The following LAPTM5 variants were observed in gnomAD, a reference collection of about 807,000 sequenced individuals.
LAPTM5 encodes the protein lysosomal protein transmembrane 5.
LAPTM5 carries 11 observed loss-of-function variants against 30.1 expected under a neutral mutation model. The ratio of observed to expected loss-of-function variants is 0.37; its 90% CI spans 0.23 to 0.60. The LOEUF (loss-of-function observed/expected upper bound fraction) is 0.60. Ranked by LOEUF, LAPTM5 falls within the 20% of genes least tolerant of loss-of-function variation. The pLI is 0.71. For synonymous variants in LAPTM5, 151 were observed against 137.9 expected, an observed-to-expected ratio of 1.10 and a Z score of -0.67; for missense variants, 324 against 332.5, an observed-to-expected ratio of 0.97 and a Z score of 0.20.
In LAPTM5 at chr1:30,746,919, A is replaced by G. The variant is rs1640055072; in HGVS notation, c.88-4370T>C. Among the ~76,000 whole-genome samples, 1 of 152,056 alleles carries G rather than the reference A, an allele frequency of 6.6e-6. No homozygotes were observed. Among genetic ancestry groups the G allele is most frequent in the South Asian group, 2.1e-4 (1 of 4,824 alleles). ...GCACAATTGGGTGGTGGTTTTTGCT[A>G]CCTCTGGGCATTCACTGACTCTCAG... On this transcript the variant is annotated intron_variant, in intron 1 of 7. Coordinates refer to ENST00000294507, the MANE Select transcript of LAPTM5 (RefSeq NM_006762.3). The surrounding 1 kb of genome is among the most constrained non-coding windows in gnomAD (Gnocchi z 4.0).
intron 3 of LAPTM5, among the ~76,000 whole-genome samples, chr1:30,741,070 G>A (rs1008041071): frequency 2.6e-5 from 4 of 152,096 alleles, no homozygotes; most frequent in East Asian, 1.9e-4. Context: ...GATTTGCCTC[G>A]GGCCCAGGAG....
At chr1:30,749,015 G>A (rs2124194147) in intron 1 of LAPTM5, among the ~76,000 whole-genome samples, 1 of 152,364 alleles carries the variant, frequency 6.6e-6, no homozygotes, top group East Asian at 1.9e-4. Flanking sequence ...AGCAGCACAG[G>A]TGCCTGTGTG....
intron 1 of LAPTM5, among the ~76,000 whole-genome samples, chr1:30,749,644 A>C (rs1920420): frequency 0.28 from 43,280 of 152,024 alleles, 6,397 homozygotes; most frequent in East Asian, 0.4. Context: ...GCTCTGGGTC[A>C]ACACCCAGAG....
Position 30,757,735 on chromosome 1 carries a change from C to CG in LAPTM5, c.10dup (p.Arg4ProfsTer59). The CG allele has an allele frequency of 6.2e-7, 1 of 1,613,606 alleles. No homozygotes were observed. Among genetic ancestry groups the CG allele is most frequent in the Non-Finnish European group, 8.5e-7 (1 of 1,179,932 alleles). ...GCAGGTCTGGCGGACAGTGGACAAGCGGGGGTCCATGGTGCTGCCGTCCCC... is the reference window on the plus strand; with the variant it reads ...GCAGGTCTGGCGGACAGTGGACAAGCGGGGGGTCCATGGTGCTGCCGTCCCC... On this transcript the variant is annotated frameshift_variant, in exon 1 of 8. Transcript: ENST00000294507. LOFTEE classifies it high-confidence loss of function.
chr1:30,753,806 C>A (rs1041403380), intron 1 of LAPTM5, among the ~76,000 whole-genome samples: 2 of 152,162 alleles, frequency 1.3e-5, no homozygotes, highest in Non-Finnish European at 1.5e-5. Flanking sequence ...TTGCAACAAA[C>A]GCACCACACT....
chr1:30,735,605 G>A (rs1182016022), intron 6 of LAPTM5, among the ~76,000 whole-genome samples: 4 of 152,192 alleles, frequency 2.6e-5, no homozygotes, highest in Non-Finnish European at 1.5e-5. Context: ...TGCCCATCTC[G>A]AAACAGAGCT....
At chr1:30,751,270 G>A (rs768962621) in intron 1 of LAPTM5, among the ~76,000 whole-genome samples, 13 of 152,324 alleles carry the variant, frequency 8.5e-5, no homozygotes, top group South Asian at 2.1e-4. Flanking sequence ...TGCCCCCACC[G>A]GCCTCCTCAC....
intron 1 of LAPTM5, among the ~76,000 whole-genome samples, chr1:30,748,497 G>A (rs1640081189): frequency 6.6e-6 from 1 of 152,122 alleles, no homozygotes; most frequent in South Asian, 2.1e-4. Context: ...ATTTCCCTGG[G>A]TTGCCTGGGA....
At chr1:30,735,388 G>T in intron 6 of LAPTM5, 123 bp from the exon 7 acceptor site, 2 of 756,456 alleles carry the variant, frequency 2.6e-6, no homozygotes, top group South Asian at 1.5e-5. Context: ...AGCTGCTCCT[G>T]CTCGGACCTC....
At position 30,733,674 on chromosome 1, in the gene LAPTM5, C is replaced by A. The variant is rs1314003545; in HGVS notation, c.*154G>T. On this transcript the variant is annotated 3_prime_UTR_variant, in exon 8 of 8. Coordinates refer to ENST00000294507, the MANE Select transcript of LAPTM5 (RefSeq NM_006762.3). ...AGTTGTGAGCAGCTCACAGGCCCTG[C>A]AGGAGGAGCAGGCCAGCGAGGGAGA... 1 of 1,533,784 alleles carries A rather than the reference C, an allele frequency of 6.5e-7. No homozygotes were observed. The highest frequency in any genetic ancestry group is 8.7e-7 in the Non-Finnish European group (1 of 1,146,104).
intron 1 of LAPTM5, among the ~76,000 whole-genome samples, chr1:30,750,840 C>T (rs1340353094): frequency 6.6e-6 from 1 of 152,268 alleles, no homozygotes; most frequent in African/African-American, 2.4e-5. Flanking sequence ...CTGAATCCCA[C>T]TTGACCAGGG....
At position 30,733,858 on chromosome 1, in the gene LAPTM5, G is replaced by A; in HGVS notation, c.759C>T (p.Gly253=). The change falls in exon 8 of 8, where the codon GGC becomes GGT. Residue 253 remains glycine, a synonymous_variant. Coordinates refer to ENST00000294507, the MANE Select transcript of LAPTM5 (RefSeq NM_006762.3). ...CCTCTGAGTATGGGGGTGGTGCTGG[G>A]CCCCCCTCTGGGGTCTTCGATGGCA... ...LSLPSKTPEG[G]PAPPPYSEV 2 of 1,609,942 alleles carry A rather than the reference G, an allele frequency of 1.2e-6. No individual in the cohort carries two copies. The highest frequency in any genetic ancestry group is 8.5e-7 in the Non-Finnish European group (1 of 1,179,042).
chr1:30,745,416 C>T (rs1358096877), intron 1 of LAPTM5, among the ~76,000 whole-genome samples: 1 of 152,176 alleles, frequency 6.6e-6, no homozygotes, highest in Non-Finnish European at 1.5e-5. Context: ...GCCCCCATCC[C>T]CTCTCCCTCT....
intron 5 of LAPTM5, 139 bp from the exon 6 acceptor site, chr1:30,737,838 C>T (rs1639910840): frequency 1.7e-6 from 1 of 586,400 alleles, no homozygotes; most frequent in Non-Finnish European, 3.0e-6. Context: ...GGTCGACCGC[C>T]ACAGCAGCCT....
At chr1:30,747,981 A>T (rs1233854746) in intron 1 of LAPTM5, among the ~76,000 whole-genome samples, 1 of 152,086 alleles carries the variant, frequency 6.6e-6, no homozygotes, top group Non-Finnish European at 1.5e-5. Flanking sequence ...AAGGAATATC[A>T]TGTGGATGGT....
chr1:30,737,455 G>T, intron 6 of LAPTM5, 149 bp downstream of exon 6: 1 of 589,226 alleles, frequency 1.7e-6, no homozygotes, highest in Non-Finnish European at 3.0e-6. Flanking sequence ...AGAGGAGCTG[G>T]CATGGGAAAG....
At chr1:30,744,690 C>G (rs1163639804) in intron 1 of LAPTM5, among the ~76,000 whole-genome samples, 1 of 152,094 alleles carries the variant, frequency 6.6e-6, no homozygotes, top group Non-Finnish European at 1.5e-5. Context: ...TGCCCAAGGA[C>G]ACACAGCAAG....
At position 30,739,307 on chromosome 1, in the gene LAPTM5, G is replaced by A. The variant is rs113535532; in HGVS notation, c.388-245C>T. On this transcript the variant is annotated intron_variant, in intron 4 of 7. Coordinates refer to ENST00000294507, the MANE Select transcript of LAPTM5 (RefSeq NM_006762.3). The surrounding 1 kb of genome is among the most constrained non-coding windows in gnomAD (Gnocchi z 4.2). ...GGGCCCTTCCATGATGTAGCCCCCC[G>A]GTCTCTTCAAGGACAACAGTTGGGG... The A allele has an allele frequency of 9.2e-3, 4,019 of 436,068 alleles. 139 individuals are homozygous for A. The highest frequency in any genetic ancestry group is 0.071 in the African/African-American group (3,573 of 50,060). 27.0% of individuals were successfully genotyped at this position (436,068 alleles called of 1,614,324 possible). A position where few individuals can be genotyped will look rare whatever the true frequency, so the allele number is the denominator to read the frequency against.
chr1:30,744,156 G>C (rs574211635), intron 1 of LAPTM5, among the ~76,000 whole-genome samples: 138 of 152,148 alleles, frequency 9.1e-4, no homozygotes, highest in Non-Finnish European at 1.7e-3. Context: ...CACGGTGCAT[G>C]CTCTAACTGC....
Sources: allele counts gnomAD v4.1 joint callset (sites outside exome capture counted in the v4.1 genomes callset), GRCh38; gene constraint gnomAD v4.1.1; non-coding constraint Gnocchi (gnomAD v3.1); transcripts MANE v1.5; gene names NCBI Gene and HGNC (gene_info 2026-07-23, HGNC 2026-07-21).